AMPH: variants seen among roughly 807,000 people sequenced by gnomAD.
AMPH encodes the protein amphiphysin (Stiff-Mann syndrome with breast cancer 128kD autoantigen).
AMPH carries 49 observed loss-of-function variants against 99.1 expected under a neutral mutation model. That is an observed-to-expected ratio of 0.49 (90% CI 0.39 to 0.63). The LOEUF is 0.63. Ranked by LOEUF, AMPH falls within the 20% of genes least tolerant of loss-of-function variation. The pLI is 0.00. For missense variants in AMPH, 759 were observed against 863.4 expected (o/e 0.88, Z 1.52); for synonymous variants, 314 against 317.3 (o/e 0.99, Z 0.11).
chr7:38,508,948 T>C (rs1260178509), intron 2 of AMPH, among the ~76,000 whole-genome samples: 2 of 152,220 alleles, frequency 1.3e-5, no homozygotes, highest in Non-Finnish European at 2.9e-5. Flanking sequence ...AATCCACTTA[T>C]GATCAAAGAC....
intron 19 of AMPH, among the ~76,000 whole-genome samples, chr7:38,390,480 C>T (rs1223540674): frequency 6.6e-6 from 1 of 152,070 alleles, no homozygotes; most frequent in Non-Finnish European, 1.5e-5. Context: ...ACATAATGAA[C>T]CCCTATGCGT....
At chr7:38,553,313 A>G (rs1200740914) in intron 1 of AMPH, among the ~76,000 whole-genome samples, 3 of 152,130 alleles carry the variant, frequency 2.0e-5, no homozygotes, top group African/African-American at 2.4e-5. Context: ...CTCTTGAACC[A>G]TCTGTGCTGA....
chr7:38,572,139 A>G (rs906995978), intron 1 of AMPH, among the ~76,000 whole-genome samples: 3 of 152,150 alleles, frequency 2.0e-5, no homozygotes, highest in African/African-American at 2.4e-5. Context: ...TCCCGACCTC[A>G]GGTGATCCGC....
At chr7:38,542,050 GA>G (rs1411368343) in intron 1 of AMPH, among the ~76,000 whole-genome samples, 7 of 151,198 alleles carry the variant, frequency 4.6e-5, no homozygotes, top group East Asian at 1.9e-4. Context: ...GACTTCAAGA[GA>G]AAAAAAAATA....
chr7:38,392,009 G>C lies in AMPH; in HGVS notation c.1617C>G (p.Val539=). ...ELEATVPQEK[V]IPSVVIEPAS... ...CAGGCTCTATGACCACCGAAGGAATGACCTTCTCCTGGGGGAAGAAAAACC... is the reference window on the plus strand; with the variant it reads ...CAGGCTCTATGACCACCGAAGGAATCACCTTCTCCTGGGGGAAGAAAAACC... Residue 539 remains valine (V), a synonymous_variant, in exon 19 of 21, where the codon GTC becomes GTG. Transcript: ENST00000356264. 1 of 1,605,250 alleles carries C rather than the reference G, an allele frequency of 6.2e-7. No individual in the cohort carries two copies. The highest frequency in any genetic ancestry group is 8.5e-7 in the Non-Finnish European group (1 of 1,179,928).
chr7:38,569,604 CAT>C (rs1025065761), intron 1 of AMPH, among the ~76,000 whole-genome samples: 6 of 150,856 alleles, frequency 4.0e-5, no homozygotes, highest in Non-Finnish European at 4.4e-5. Flanking sequence ...ATTGATATAA[CAT>C]ATATATATAT....
chr7:38,451,997 A>G (rs1463448159), intron 11 of AMPH, among the ~76,000 whole-genome samples: 1 of 152,208 alleles, frequency 6.6e-6, no homozygotes, highest in Non-Finnish European at 1.5e-5. Context: ...AAAAAATTCT[A>G]TGCTACATTT....
In AMPH at chr7:38,389,768, A is replaced by G. The variant is rs554921009; in HGVS notation, c.1980+36T>C. The G allele has an allele frequency of 1.1e-5, 17 of 1,519,090 alleles. No individual in the cohort carries two copies. In the South Asian group the frequency reaches 1.7e-4, roughly 15 times the overall value. The allele number at this position is 1,519,090 out of a possible 1,614,324, so 94.1% of individuals were successfully genotyped here. A position where few individuals can be genotyped will look rare whatever the true frequency, so the allele number is the denominator to read the frequency against. Reference sequence around the variant, plus strand: ...CCAACAGACCCTCAGAAAAAAATCAACGTAGCCCAAAGCATCTTCCTATCT... The same window carrying G: ...CCAACAGACCCTCAGAAAAAAATCAGCGTAGCCCAAAGCATCTTCCTATCT... On this transcript the variant is annotated intron_variant, in intron 20 of 20. Transcript: ENST00000356264.
Position 38,407,335 on chromosome 7 carries a change from A to ATCTCTCTCTCTCTCTC in AMPH, c.1398+10474_1398+10489dup, listed in dbSNP as rs70975099. Among the ~76,000 whole-genome samples the ATCTCTCTCTCTCTCTC allele has an allele frequency of 3.6e-5, 5 of 140,480 alleles. 1 individual carries two copies. The highest frequency in any genetic ancestry group is 3.1e-5 in the Non-Finnish European group (2 of 65,038). The allele number at this position is 140,480 out of a possible 152,430, so 92.2% of individuals were successfully genotyped here. ...GAGAGAGAGGAATCTATTAGGGAAA[A>ATCTCTCTCTCTCTCTC]TCTCTCTCTCTCTCTCTTTCTCCCT... is the stretch of plus-strand genomic sequence containing the variant. On this transcript the variant is annotated intron_variant, in intron 17 of 20. Transcript: ENST00000356264.
At chr7:38,496,126 T>C (rs948633801) in intron 3 of AMPH, among the ~76,000 whole-genome samples, 1 of 151,932 alleles carries the variant, frequency 6.6e-6, no homozygotes, top group Admixed American at 6.6e-5. Context: ...TCATGAGAAA[T>C]AAAAAACACA....
At chr7:38,521,915 T>G (rs1267153230) in intron 2 of AMPH, among the ~76,000 whole-genome samples, 1 of 152,158 alleles carries the variant, frequency 6.6e-6, no homozygotes, top group African/African-American at 2.4e-5. Flanking sequence ...CACCAGACAT[T>G]GAAAATTCTA....
At position 38,526,793 on chromosome 7, in the gene AMPH, C is replaced by T. The variant is rs796165752; in HGVS notation, c.150+8138G>A. ...GATGAGGTCCAATTTATCACATTTT[C>T]CTCTTTTGTATTGTGCTTTTGGTAG... On this transcript the variant is annotated intron_variant, in intron 2 of 20. Transcript: ENST00000356264. 2.6e-5 allele frequency among the ~76,000 whole-genome samples: 4 copies of T among 152,176 alleles called. 1 individual carries two copies. The highest frequency in any genetic ancestry group is 9.6e-5 in the African/African-American group (4 of 41,524).
At chr7:38,445,764 TC>T (rs1786754990) in intron 11 of AMPH, among the ~76,000 whole-genome samples, 5 of 152,172 alleles carry the variant, frequency 3.3e-5, no homozygotes, top group African/African-American at 1.2e-4. Flanking sequence ...TGGATTTGTG[TC>T]CCCACTCAAA....
chr7:38,452,268 T>A (rs1205505775), intron 11 of AMPH, among the ~76,000 whole-genome samples: 2 of 152,186 alleles, frequency 1.3e-5, no homozygotes, highest in Non-Finnish European at 1.5e-5. Context: ...AATGACTCAT[T>A]TAAAAAAATT....
At chr7:38,419,999 A>G (rs1451841442) in intron 16 of AMPH, among the ~76,000 whole-genome samples, 4 of 152,230 alleles carry the variant, frequency 2.6e-5, no homozygotes, top group South Asian at 2.1e-4. Flanking sequence ...AATGAGCCCA[A>G]TTGCATTTGC....
intron 1 of AMPH, among the ~76,000 whole-genome samples, chr7:38,543,672 C>A (rs1207277807): frequency 6.6e-6 from 1 of 152,100 alleles, no homozygotes; most frequent in Non-Finnish European, 1.5e-5. Flanking sequence ...AGTAATTGAT[C>A]TCCGTCATAC....
At chr7:38,554,479 A>G (rs778315594) in intron 1 of AMPH, among the ~76,000 whole-genome samples, 2 of 152,216 alleles carry the variant, frequency 1.3e-5, no homozygotes, top group Non-Finnish European at 2.9e-5. Flanking sequence ...CTACTTCTAT[A>G]AATATGCTTT....
At chr7:38,458,104 T>C (rs1787301540) in intron 11 of AMPH, among the ~76,000 whole-genome samples, 1 of 152,162 alleles carries the variant, frequency 6.6e-6, no homozygotes, top group African/African-American at 2.4e-5. Context: ...GGTAAAATAC[T>C]ACCTACTAGG....
chr7:38,498,027 T>C (rs956761060), intron 3 of AMPH, among the ~76,000 whole-genome samples: 2 of 152,206 alleles, frequency 1.3e-5, no homozygotes, highest in African/African-American at 4.8e-5. Context: ...ACTGGACATC[T>C]CCACTTGGAT....
Sources: allele counts gnomAD v4.1 joint callset (sites outside exome capture counted in the v4.1 genomes callset), GRCh38; gene constraint gnomAD v4.1.1; transcripts MANE v1.5; gene names NCBI Gene and HGNC (gene_info 2026-07-23, HGNC 2026-07-21).